Variants in MYO9B observed in about 807,000 individuals in gnomAD.
MYO9B encodes the protein myosin IXB.
MYO9B carries 71 observed loss-of-function variants against 229.5 expected under a neutral mutation model. The observed-to-expected ratio is 0.31, with a 90% CI of 0.26 to 0.38. The LOEUF (loss-of-function observed/expected upper bound fraction) is 0.38. Ranked by LOEUF, MYO9B falls within the 10% of genes least tolerant of loss-of-function variation. The probability of loss-of-function intolerance (pLI) is 1.00; values close to 1 mark genes in which losing one functional copy is unlikely to be tolerated. For missense variants in MYO9B, 2,255 were observed against 2,920.5 expected (o/e 0.77, Z 5.25); for synonymous variants, 1,185 against 1,235.8 (o/e 0.96, Z 0.86).
intron 1 of MYO9B, among the ~76,000 whole-genome samples, chr19:17,091,287 A>G: frequency 6.6e-6 from 1 of 152,196 alleles, no homozygotes; most frequent in East Asian, 1.9e-4. Flanking sequence ...GTGCAGTGGC[A>G]TGATCACAGC....
chr19:17,140,829 A>G (rs1012167654), intron 2 of MYO9B, among the ~76,000 whole-genome samples: 1 of 145,544 alleles, frequency 6.9e-6, no homozygotes, highest in Non-Finnish European at 1.5e-5. Context: ...GGGGCCAGGC[A>G]TGGTGACTCA....
intron 2 of MYO9B, among the ~76,000 whole-genome samples, chr19:17,124,373 A>G (rs936551356): frequency 7.9e-5 from 12 of 152,172 alleles, no homozygotes; most frequent in Admixed American, 6.5e-5. Flanking sequence ...AAGCATTTAG[A>G]ACTTCCCAGA....
At chr19:17,153,558 T>A (rs1240223648) in intron 4 of MYO9B, among the ~76,000 whole-genome samples, 1 of 150,776 alleles carries the variant, frequency 6.6e-6, no homozygotes, top group Non-Finnish European at 1.5e-5. Flanking sequence ...TAGCTGGGCA[T>A]GGTGACACAC....
chr19:17,177,550 C>T (rs2072803959), intron 14 of MYO9B: 1 of 151,918 alleles, frequency 6.6e-6, no homozygotes, highest in African/African-American at 2.4e-5. Context: ...ATTATGTTGC[C>T]CAGGCTAATC....
In MYO9B at chr19:17,145,534, C is replaced by T. The variant is rs368453151; in HGVS notation, c.935+43C>T. The stretch of plus-strand genomic sequence containing the variant: ...TCCCCACTGGTGGGAGCTGGCCCCA[C>T]GCACTGTTGCTTCCTGACACACACA... On this transcript the variant is annotated intron_variant, in intron 3 of 39. Coordinates refer to ENST00000682292, the MANE Select transcript of MYO9B (RefSeq NM_004145.4). 5 of 1,505,288 alleles carry T rather than the reference C, an allele frequency of 3.3e-6. 1 individual carries two copies. The highest frequency in any genetic ancestry group is 4.6e-6 in the Non-Finnish European group (5 of 1,081,726). 93.2% of individuals were successfully genotyped at this position (1,505,288 alleles called of 1,614,324 possible).
intron 13 of MYO9B, among the ~76,000 whole-genome samples, chr19:17,173,241 A>T (rs2072745836): frequency 1.3e-5 from 2 of 149,996 alleles, no homozygotes; most frequent in African/African-American, 4.9e-5. Flanking sequence ...GATTGTGATA[A>T]TGTAGCTCTT....
intron 1 of MYO9B, among the ~76,000 whole-genome samples, chr19:17,097,381 GTAAAAA>G (rs558384568): frequency 9.3e-5 from 14 of 150,052 alleles, no homozygotes; most frequent in South Asian, 8.4e-4. Flanking sequence ...ATCTTAGATA[GTAAAAA>G]TAAAAATAAA....
chr19:17,095,614 T>C (rs1294299046), intron 1 of MYO9B: 2 of 152,330 alleles, frequency 1.3e-5, no homozygotes, highest in African/African-American at 4.8e-5. Context: ...CCGATGGACA[T>C]GGGGTTGTTT....
intron 1 of MYO9B, among the ~76,000 whole-genome samples, chr19:17,088,290 C>A (rs1042706879): frequency 2.0e-5 from 3 of 152,214 alleles, no homozygotes; most frequent in Non-Finnish European, 2.9e-5. Context: ...ATAAGGACGC[C>A]AGTCTTTGGA....
chr19:17,200,626 T>C lies in MYO9B; in HGVS notation c.4373-13T>C. On this transcript the variant is annotated splice_polypyrimidine_tract_variant and intron_variant, in intron 25 of 39. Coordinates refer to ENST00000682292, the MANE Select transcript of MYO9B (RefSeq NM_004145.4). ...GAACCCACCCTCACCGGCTGCTTCC[T>C]GTCCCCCCTCAGCCCCCTCCGGACA... The C allele has an allele frequency of 6.2e-7, 1 of 1,605,450 alleles. No individual in the cohort carries two copies. The highest frequency in any genetic ancestry group is 1.1e-5 in the South Asian group (1 of 90,316).
At chr19:17,086,506 T>A (rs966048449) in intron 1 of MYO9B, among the ~76,000 whole-genome samples, 2 of 152,212 alleles carry the variant, frequency 1.3e-5, no homozygotes, top group African/African-American at 4.8e-5. Context: ...GGCCGTGCTG[T>A]GCACTGTGGG....
intron 14 of MYO9B, chr19:17,180,718 C>T (rs1265252348): frequency 7.6e-6 from 4 of 525,872 alleles, no homozygotes; most frequent in South Asian, 2.6e-5. Context: ...AGCCCTGCCC[C>T]GCTCCAGGGC....
intron 35 of MYO9B, among the ~76,000 whole-genome samples, chr19:17,208,702 CAG>C (rs1386874011): frequency 1.3e-5 from 2 of 152,184 alleles, no homozygotes; most frequent in Non-Finnish European, 2.9e-5. Context: ...CAGCCTAAAA[CAG>C]AACTTTTAAC....
At chr19:17,175,891 G>A (rs1219696967) in intron 14 of MYO9B, 150 bp downstream of exon 14, 1 of 618,944 alleles carries the variant, frequency 1.6e-6, no homozygotes, top group Non-Finnish European at 2.6e-6. Context: ...GGAGTGCAAT[G>A]GCGCAATCTC....
chr19:17,110,963 CCAA>C (rs2145076800), intron 2 of MYO9B, among the ~76,000 whole-genome samples: 1 of 152,270 alleles, frequency 6.6e-6, no homozygotes, highest in Non-Finnish European at 1.5e-5. Context: ...CATGTTTCCC[CCAA>C]CTCCCCCAGC....
chr19:17,199,879 T>G (rs993034795), intron 24 of MYO9B, among the ~76,000 whole-genome samples: 4 of 151,000 alleles, frequency 2.6e-5, no homozygotes, highest in African/African-American at 9.7e-5. Flanking sequence ...TTGTTTTTTT[T>G]TTTGAGACAG....
rs2073201953 is a variant in MYO9B, at chr19:17,209,539, C to T, written c.5625-47C>T. 4.5e-6 allele frequency: 7 copies of T among 1,548,472 alleles called. No individual in the cohort carries two copies. In the East Asian group the frequency reaches 1.7e-4, roughly 38 times the overall value. ...AGCATCTCCCTGGACCTCAGACGTC[C>T]CCGGGGCGGTAACTGAGTCACTTCC... On this transcript the variant is annotated intron_variant, in intron 35 of 39. Coordinates refer to ENST00000682292, the MANE Select transcript of MYO9B (RefSeq NM_004145.4).
At chr19:17,180,675 A>G (rs2072849041) in intron 14 of MYO9B, 2 of 404,774 alleles carry the variant, frequency 4.9e-6, no homozygotes, top group South Asian at 4.5e-5. Flanking sequence ...AAAAGGATCA[A>G]TGATCTGTGT....
At chr19:17,131,338 G>A (rs559542374) in intron 2 of MYO9B, among the ~76,000 whole-genome samples, 2 of 152,324 alleles carry the variant, frequency 1.3e-5, no homozygotes, top group South Asian at 2.1e-4. Context: ...GCATGATCTC[G>A]GCACACTGCA....
Sources: allele counts gnomAD v4.1 joint callset (sites outside exome capture counted in the v4.1 genomes callset), GRCh38; gene constraint gnomAD v4.1.1; transcripts MANE v1.5; gene names NCBI Gene and HGNC (gene_info 2026-07-23, HGNC 2026-07-21).